The following MLLT3 variants were observed in gnomAD, a reference collection of about 807,000 sequenced individuals.
MLLT3 encodes protein AF-9.
A neutral mutation model predicts 53.2 loss-of-function variants in MLLT3; 4 were observed. That is an observed-to-expected ratio of 0.08 (90% CI 0.04 to 0.17). The LOEUF is 0.17. Among genes scored for constraint, MLLT3 ranks in the 10% least tolerant of loss-of-function variants. The probability of loss-of-function intolerance (pLI) is 1.00; values close to 1 mark genes in which losing one functional copy is unlikely to be tolerated. For missense variants in MLLT3, 569 were observed against 684.0 expected (o/e 0.83, Z 1.87); for synonymous variants, 283 against 230.6 (o/e 1.23, Z -2.06).
chr9:20,486,297 G>T (rs976851061), intron 2 of MLLT3, among the ~76,000 whole-genome samples: 1 of 151,988 alleles, frequency 6.6e-6, no homozygotes, highest in Admixed American at 6.6e-5. Context: ...ACAGAACAAA[G>T]GGCCCCATTT....
At chr9:20,511,435 A>T (rs1825530795) in intron 2 of MLLT3, among the ~76,000 whole-genome samples, 1 of 152,266 alleles carries the variant, frequency 6.6e-6, no homozygotes, top group Non-Finnish European at 1.5e-5. Flanking sequence ...AGTATAACAC[A>T]ATGAGTTACA....
chr9:20,465,790 C>T (rs1483315203), intron 2 of MLLT3, among the ~76,000 whole-genome samples: 4 of 152,072 alleles, frequency 2.6e-5, no homozygotes, highest in African/African-American at 9.7e-5. Context: ...TAGTGGTAGC[C>T]TATCCTAAAT....
At chr9:20,580,457 G>C (rs1247419732) in intron 2 of MLLT3, among the ~76,000 whole-genome samples, 1 of 151,772 alleles carries the variant, frequency 6.6e-6, no homozygotes, top group Non-Finnish European at 1.5e-5. Flanking sequence ...AATAAATTCA[G>C]ACTGGGACTC....
At chr9:20,483,011 C>A (rs189346712) in intron 2 of MLLT3, among the ~76,000 whole-genome samples, 3 of 152,022 alleles carry the variant, frequency 2.0e-5, no homozygotes, top group African/African-American at 7.2e-5. Context: ...TACTTACATG[C>A]TAAGAACTGA....
Position 20,344,258 on chromosome 9 carries a change from C to A in MLLT3, c.*2185G>T, listed in dbSNP as rs917137139. 1 of 198,648 alleles carries A rather than the reference C, an allele frequency of 5.0e-6. No homozygotes were observed. The highest frequency in any genetic ancestry group is 2.3e-5 in the African/African-American group (1 of 43,350). The allele number at this position is 198,648 out of a possible 1,614,324, so 12.3% of individuals were successfully genotyped here. ...TTGGCAAATCATATTTTTTGCCCCA[C>A]AATTTAGTTACAGAAATAAAAATGG... On this transcript the variant is annotated 3_prime_UTR_variant, in exon 11 of 11. Coordinates refer to ENST00000380338, the MANE Select transcript of MLLT3 (RefSeq NM_004529.4).
intron 2 of MLLT3, among the ~76,000 whole-genome samples, chr9:20,586,419 T>C (rs935365907): frequency 6.8e-5 from 10 of 146,238 alleles, no homozygotes; most frequent in Admixed American, 1.4e-4. Flanking sequence ...AAAAAGGAGA[T>C]TGAAAATTGA....
intron 2 of MLLT3, among the ~76,000 whole-genome samples, chr9:20,519,786 T>C (rs1818013483): frequency 6.6e-6 from 1 of 152,200 alleles, no homozygotes; most frequent in South Asian, 2.1e-4. Flanking sequence ...GAAGACAGTG[T>C]GGTGATTCCT....
intron 2 of MLLT3, among the ~76,000 whole-genome samples, chr9:20,474,308 T>C (rs1473665454): frequency 6.6e-6 from 1 of 152,142 alleles, no homozygotes; most frequent in Non-Finnish European, 1.5e-5. Flanking sequence ...TTATATCTGT[T>C]ATGATCTAAA....
chr9:20,431,514 A>C (rs1017829928), intron 4 of MLLT3, among the ~76,000 whole-genome samples: 3 of 152,190 alleles, frequency 2.0e-5, no homozygotes, highest in African/African-American at 7.2e-5. Flanking sequence ...AATTCCATGT[A>C]GTAAAGGTTA....
intron 5 of MLLT3, among the ~76,000 whole-genome samples, chr9:20,390,705 C>T (rs543640563): frequency 2.0e-5 from 3 of 152,198 alleles, no homozygotes; most frequent in Non-Finnish European, 4.4e-5. Context: ...AAAATACTTA[C>T]ATAAGAGGGA....
chr9:20,615,164 T>C (rs574177946), intron 2 of MLLT3, among the ~76,000 whole-genome samples: 1 of 151,120 alleles, frequency 6.6e-6, no homozygotes, highest in Non-Finnish European at 1.5e-5. Context: ...GGCAACATAG[T>C]GAAACCCCAT....
chr9:20,435,013 T>TA (rs1005276258), intron 4 of MLLT3, among the ~76,000 whole-genome samples: 10 of 151,498 alleles, frequency 6.6e-5, no homozygotes, highest in African/African-American at 9.7e-5. Flanking sequence ...TCAGCATTCT[T>TA]AAAAAAAAAT....
At chr9:20,585,851 T>C (rs1819943646) in intron 2 of MLLT3, among the ~76,000 whole-genome samples, 1 of 152,190 alleles carries the variant, frequency 6.6e-6, no homozygotes, top group Admixed American at 6.5e-5. Context: ...AAGACCTTTC[T>C]AATACAGTCA....
intron 4 of MLLT3, among the ~76,000 whole-genome samples, chr9:20,432,088 CTGA>C (rs1295231609): frequency 6.6e-6 from 1 of 152,068 alleles, no homozygotes; most frequent in Non-Finnish European, 1.5e-5. Flanking sequence ...TTCAAAATTC[CTGA>C]TGTCAAAATC....
intron 2 of MLLT3, among the ~76,000 whole-genome samples, chr9:20,618,917 CAACT>C (rs1319298423): frequency 6.6e-6 from 1 of 152,212 alleles, no homozygotes; most frequent in African/African-American, 2.4e-5. Context: ...CATCTTCTGC[CAACT>C]GAGTTAATTT....
chr9:20,350,542 C>T (rs1212430865), intron 10 of MLLT3, among the ~76,000 whole-genome samples: 3 of 147,378 alleles, frequency 2.0e-5, no homozygotes, highest in Non-Finnish European at 3.0e-5. Context: ...TTGCAGTGAG[C>T]CGAGATCCCG....
chr9:20,446,971 T>C (rs1283560070), intron 4 of MLLT3, among the ~76,000 whole-genome samples: 2 of 152,142 alleles, frequency 1.3e-5, no homozygotes. Flanking sequence ...GAATGAAATA[T>C]GGTAAAAGTA....
chr9:20,566,776 C>A (rs1317891439), intron 2 of MLLT3, among the ~76,000 whole-genome samples: 1 of 152,068 alleles, frequency 6.6e-6, no homozygotes, highest in African/African-American at 2.4e-5. Flanking sequence ...TGTGCCCATG[C>A]TCATCTGAGA....
chr9:20,379,086 C>T (rs1821846545), intron 5 of MLLT3, among the ~76,000 whole-genome samples: 1 of 151,990 alleles, frequency 6.6e-6, no homozygotes, highest in Non-Finnish European at 1.5e-5. Context: ...GATTTACTGC[C>T]TTTTACCGCC....
Sources: gnomAD v4.1 joint callset for allele counts (sites outside exome capture counted in the v4.1 genomes callset) on GRCh38, gnomAD v4.1.1 for gene constraint, MANE v1.5 for transcripts, NCBI Gene and HGNC (gene_info 2026-07-23, HGNC 2026-07-21) for gene names.